RIGI: variants seen among roughly 807,000 people sequenced by gnomAD.
RIGI encodes the protein RNA sensor RIG-I, also known as antiviral innate immune response receptor RIG-I.
the RIGI span, among the ~76,000 whole-genome samples, chr9:32,518,509 T>A: frequency 6.6e-6 from 1 of 152,168 alleles, no homozygotes; most frequent in African/African-American, 2.4e-5. Flanking sequence ...TCTACCTTTA[T>A]GTACAGACAG....
chr9:32,479,620 T>G, the RIGI span, among the ~76,000 whole-genome samples: 21 of 152,112 alleles, frequency 1.4e-4, no homozygotes, highest in African/African-American at 5.1e-4. Context: ...GTGGATCACT[T>G]GAGGTCAGGA....
the RIGI span, among the ~76,000 whole-genome samples, chr9:32,508,239 A>ATTTTTTTTCTTTTTTTTTTTTTTT: frequency 2.8e-5 from 2 of 70,336 alleles, no homozygotes; most frequent in Non-Finnish European, 5.1e-5. Context: ...TATTTACTTA[A>ATTTTTTTTCTTTTTTTTTTTTTTT]TTTTTTTTTT....
At chr9:32,474,206 A>G in the RIGI span, among the ~76,000 whole-genome samples, 1 of 150,714 alleles carries the variant, frequency 6.6e-6, no homozygotes, top group East Asian at 1.9e-4. Flanking sequence ...CTGTCTCAAA[A>G]AAAAAAAAAA....
At chr9:32,523,828 A>G in the RIGI span, among the ~76,000 whole-genome samples, 1 of 151,892 alleles carries the variant, frequency 6.6e-6, no homozygotes, top group Non-Finnish European at 1.5e-5. Flanking sequence ...TTCAGTGGAT[A>G]AAGTCCAAAA....
At chr9:32,473,467 A>G in the RIGI span, among the ~76,000 whole-genome samples, 1 of 151,916 alleles carries the variant, frequency 6.6e-6, no homozygotes, top group Non-Finnish European at 1.5e-5. Flanking sequence ...TTGTATTTTT[A>G]GTAGAGACAG....
At chr9:32,492,233 A>C in the RIGI span, among the ~76,000 whole-genome samples, 1 of 152,164 alleles carries the variant, frequency 6.6e-6, no homozygotes, top group Non-Finnish European at 1.5e-5. Context: ...TTTGTAGGCA[A>C]GTAACTGCCT....
the RIGI span, chr9:32,492,438 A>C: frequency 6.2e-7 from 1 of 1,614,152 alleles, no homozygotes; most frequent in Non-Finnish European, 8.5e-7. Context: ...TTCTTTCTCC[A>C]AAGCAAGTTT....
chr9:32,484,305 A>G, the RIGI span, among the ~76,000 whole-genome samples: 1 of 152,218 alleles, frequency 6.6e-6, no homozygotes, highest in South Asian at 2.1e-4. Context: ...GAAGGCTGTT[A>G]GAACAATTAT....
chr9:32,499,930 C>T, the RIGI span, among the ~76,000 whole-genome samples: 10 of 152,266 alleles, frequency 6.6e-5, no homozygotes, highest in Middle Eastern at 3.4e-3. Flanking sequence ...TGAGTTTGTT[C>T]GGCTTTTAAT....
the RIGI span, chr9:32,473,197 G>A: frequency 1.2e-5 from 5 of 429,970 alleles, no homozygotes; most frequent in South Asian, 3.6e-5. Context: ...ACAAACCTGA[G>A]AAAAAAAGCA....
the RIGI span, among the ~76,000 whole-genome samples, chr9:32,479,853 T>C: frequency 6.7e-6 from 1 of 148,894 alleles, no homozygotes; most frequent in Non-Finnish European, 1.5e-5. Flanking sequence ...AAAAAAAAAG[T>C]ATACATAAAT....
At chr9:32,456,084 A>C in the RIGI span, 1 of 152,200 alleles carries the variant, frequency 6.6e-6, no homozygotes, top group Non-Finnish European at 1.5e-5. Context: ...ATTTGGATAC[A>C]TATTCTAATC....
the RIGI span, among the ~76,000 whole-genome samples, chr9:32,517,189 C>A: frequency 5.9e-5 from 9 of 152,168 alleles, no homozygotes; most frequent in Admixed American, 2.6e-4. Context: ...TCTTTGGAAT[C>A]TAGCTTCTAA....
the RIGI span, among the ~76,000 whole-genome samples, chr9:32,497,766 G>A: frequency 0.6 from 90,764 of 150,500 alleles, 27,680 homozygotes; most frequent in Middle Eastern, 0.68. Context: ...ATGAATGAAT[G>A]AATAAATAAA....
the RIGI span, among the ~76,000 whole-genome samples, chr9:32,476,401 G>A: frequency 6.6e-6 from 1 of 152,090 alleles, no homozygotes; most frequent in Non-Finnish European, 1.5e-5. Context: ...GTGGCAGAGG[G>A]TGATGAGGTG....
the RIGI span, among the ~76,000 whole-genome samples, chr9:32,511,205 G>A: frequency 6.6e-6 from 1 of 152,138 alleles, no homozygotes; most frequent in African/African-American, 2.4e-5. Flanking sequence ...AGAATATTCA[G>A]GACTTGAACT....
chr9:32,521,729 TG>T, the RIGI span, among the ~76,000 whole-genome samples: 660 of 152,260 alleles, frequency 4.3e-3, 3 homozygotes, highest in African/African-American at 0.015. Flanking sequence ...GGGTTATATT[TG>T]TATAGATGTG....
chr9:32,513,227 G>C, the RIGI span, among the ~76,000 whole-genome samples: 14 of 152,058 alleles, frequency 9.2e-5, no homozygotes, highest in Non-Finnish European at 1.9e-4. Flanking sequence ...CTACTTTAAA[G>C]TTCATATGGA....
the RIGI span, among the ~76,000 whole-genome samples, chr9:32,515,403 T>A: frequency 6.6e-6 from 1 of 151,926 alleles, no homozygotes; most frequent in African/African-American, 2.4e-5. Flanking sequence ...AAAATCCTAC[T>A]AATGTATTCC....
Sources: allele counts gnomAD v4.1 joint callset (sites outside exome capture counted in the v4.1 genomes callset), GRCh38; gene constraint gnomAD v4.1.1; transcripts MANE v1.5; gene names NCBI Gene and HGNC (gene_info 2026-07-23, HGNC 2026-07-21).